The following IGF1R variants were observed in gnomAD, a reference collection of about 807,000 sequenced individuals.
IGF1R encodes the protein insulin like growth factor 1 receptor.
In IGF1R, 44 loss-of-function variants were observed where a neutral mutation model predicts 144.6. The observed-to-expected ratio is 0.30, with a 90% confidence interval of 0.24 to 0.39. IGF1R has a LOEUF of 0.39. Ranked by LOEUF, IGF1R falls within the 10% of genes least tolerant of loss-of-function variation. The pLI is 1.00. For synonymous variants in IGF1R, 795 were observed against 722.8 expected, an observed-to-expected ratio of 1.10 and a Z score of -1.60; for missense variants, 1,355 against 1,833.7, an observed-to-expected ratio of 0.74 and a Z score of 4.77.
intron 1 of IGF1R, among the ~76,000 whole-genome samples, chr15:98,705,282 C>G (rs2053833871): frequency 6.6e-6 from 1 of 152,152 alleles, no homozygotes. Context: ...GACAGTGTCA[C>G]TGAGGGCTCT....
chr15:98,832,976 T>C (rs1168161353), intron 2 of IGF1R, among the ~76,000 whole-genome samples: 2 of 152,244 alleles, frequency 1.3e-5, no homozygotes, highest in Non-Finnish European at 2.9e-5. Context: ...AACCTGAATG[T>C]TGAACTAGCT....
rs1596498126 is a variant in IGF1R, at chr15:98,959,864, A to AG, written c.*2422_*2423insG. 2.6e-5 allele frequency: 6 copies of AG among 233,098 alleles called. No homozygotes were observed. In the East Asian group the frequency reaches 3.6e-4, roughly 14 times the overall value. 14.4% of individuals were successfully genotyped at this position (233,098 alleles called of 1,614,324 possible). On this transcript the variant is annotated 3_prime_UTR_variant, in exon 21 of 21. Coordinates refer to ENST00000650285, the MANE Select transcript of IGF1R (RefSeq NM_000875.5). ...ATAGCGTGTTCCCTTTAAAAAAAAA[A>AG]AAAAGGTATTATATGTAGGAGTTTT...
At chr15:98,655,887 A>G (rs1258896022) in intron 1 of IGF1R, among the ~76,000 whole-genome samples, 3 of 152,094 alleles carry the variant, frequency 2.0e-5, no homozygotes, top group Non-Finnish European at 2.9e-5. Flanking sequence ...TTGTATTTTT[A>G]GTACAGACGA....
At chr15:98,859,468 GT>G (rs2012025150) in intron 2 of IGF1R, among the ~76,000 whole-genome samples, 1 of 152,204 alleles carries the variant, frequency 6.6e-6, no homozygotes, top group Admixed American at 6.5e-5. Flanking sequence ...GGTGTTGCAT[GT>G]TTTTGCCCCA....
chr15:98,673,375 C>T (rs528038386), intron 1 of IGF1R, among the ~76,000 whole-genome samples: 4 of 152,282 alleles, frequency 2.6e-5, no homozygotes, highest in Non-Finnish European at 5.9e-5. Context: ...TGATCATTCT[C>T]GCTCTGTTTT....
Position 98,937,210 on chromosome 15 carries a change from C to T in IGF1R, c.3297+1784C>T, listed in dbSNP as rs561440210. ...CCTTGGTTCACTTTAATACACAAAA[C>T]AGCATGAAGGAGAAAAGCTTGATGA... On this transcript the variant is annotated intron_variant, in intron 17 of 20. Coordinates refer to ENST00000650285, the MANE Select transcript of IGF1R (RefSeq NM_000875.5). 8.5e-5 allele frequency among the ~76,000 whole-genome samples: 13 copies of T among 152,302 alleles called. No homozygotes were observed. The South Asian group carries it at 2.7e-3, about 32-fold the overall frequency.
At chr15:98,779,465 T>G (rs146831612) in intron 2 of IGF1R, among the ~76,000 whole-genome samples, 55 of 152,350 alleles carry the variant, frequency 3.6e-4, no homozygotes, top group Admixed American at 2.8e-3. Flanking sequence ...TCAGCCTGGT[T>G]AGGTAAGTAC....
At chr15:98,888,496 C>A (rs904134552) in intron 2 of IGF1R, among the ~76,000 whole-genome samples, 2 of 150,298 alleles carry the variant, frequency 1.3e-5, no homozygotes, top group African/African-American at 4.9e-5. Flanking sequence ...TTTGTACATT[C>A]AAATTTGTGT....
chr15:98,749,320 A>T (rs1224373486), intron 2 of IGF1R, among the ~76,000 whole-genome samples: 1 of 152,172 alleles, frequency 6.6e-6, no homozygotes, highest in African/African-American at 2.4e-5. Context: ...GTAAAGCTGT[A>T]TCTTAAATAT....
chr15:98,931,551 A>G (rs1366665351), intron 15 of IGF1R, among the ~76,000 whole-genome samples: 1 of 152,204 alleles, frequency 6.6e-6, no homozygotes, highest in African/African-American at 2.4e-5. Flanking sequence ...TTCTATCTAC[A>G]TAAAGGTCTC....
chr15:98,892,160 C>T (rs535321318), intron 3 of IGF1R, among the ~76,000 whole-genome samples: 4 of 152,312 alleles, frequency 2.6e-5, no homozygotes. Context: ...TCCATCAGCA[C>T]TTCCTTCCTC....
rs573877268 is a variant in IGF1R, at chr15:98,664,690, CAAAAA to C, written c.94+15029_94+15033del. Among the ~76,000 whole-genome samples, 676 of 69,594 alleles carry C rather than the reference CAAAAA, an allele frequency of 9.7e-3. 10 individuals are homozygous for C. The highest frequency in any genetic ancestry group is 0.027 in the African/African-American group (655 of 24,000). 45.7% of individuals were successfully genotyped at this position (69,594 alleles called of 152,430 possible). ...CCTGGGCGAGAGTGAGACTCCATGTCAAAAAAAAAAAAAAAAAAGTGTCACCCATC... is the reference window on the plus strand; with the variant it reads ...CCTGGGCGAGAGTGAGACTCCATGTCAAAAAAAAAAAAAGTGTCACCCATC... On this transcript the variant is annotated intron_variant, in intron 1 of 20. Coordinates refer to ENST00000650285, the MANE Select transcript of IGF1R (RefSeq NM_000875.5).
intron 5 of IGF1R, among the ~76,000 whole-genome samples, chr15:98,908,187 C>T (rs1286191330): frequency 6.6e-6 from 1 of 152,216 alleles, no homozygotes; most frequent in Non-Finnish European, 1.5e-5. Context: ...AGGGTTGACC[C>T]CCCACAAGCT....
rs765272546 is a variant in IGF1R at position 98,924,623 on chromosome 15, C to T, written c.2721C>T (p.Ala907=). The change falls in exon 13 of 21, where the codon GCC becomes GCT. Residue 907 remains alanine (A), a synonymous_variant. Transcript: ENST00000650285. ...NPGNYTARIQ[A]TSLSGNGSWT... is the part of the protein sequence containing the mutation. The stretch of plus-strand genomic sequence containing the variant: ...GGAACTACACAGCCCGGATTCAGGC[C>T]ACATCTCTCTCTGGGAATGGGTCGT... The T allele has an allele frequency of 6.2e-6, 10 of 1,614,160 alleles. No homozygotes were observed. The East Asian group carries it at 2.2e-4, about 36-fold the overall frequency.
At chr15:98,895,060 G>A (rs1156762516) in intron 3 of IGF1R, among the ~76,000 whole-genome samples, 1 of 151,216 alleles carries the variant, frequency 6.6e-6, no homozygotes, top group East Asian at 1.9e-4. Flanking sequence ...ATGGAAAACA[G>A]ATTAGTGGTT....
chr15:98,904,089 G>T (rs189870296), intron 5 of IGF1R, among the ~76,000 whole-genome samples: 27,414 of 134,928 alleles, frequency 0.2, 3,149 homozygotes, highest in East Asian at 0.44. Context: ...GTCTCACTCT[G>T]TCACCCAGGC....
At chr15:98,791,682 C>T (rs1402683205) in intron 2 of IGF1R, among the ~76,000 whole-genome samples, 1 of 152,072 alleles carries the variant, frequency 6.6e-6, no homozygotes, top group East Asian at 1.9e-4. Context: ...ACTATGTGAT[C>T]GAAGGATGAA....
chr15:98,825,602 G>A (rs1292214437), intron 2 of IGF1R, among the ~76,000 whole-genome samples: 1 of 152,104 alleles, frequency 6.6e-6, no homozygotes, highest in East Asian at 1.9e-4. Flanking sequence ...GATCTGAGGT[G>A]GAACAGTTTC....
intron 2 of IGF1R, among the ~76,000 whole-genome samples, chr15:98,774,128 G>T (rs185345988): frequency 4.6e-5 from 7 of 152,298 alleles, no homozygotes; most frequent in Non-Finnish European, 1.5e-5. Flanking sequence ...AAAAGAAGAG[G>T]ATCTTAGAAG....
Sources: gnomAD v4.1 joint callset for allele counts (sites outside exome capture counted in the v4.1 genomes callset) on GRCh38, gnomAD v4.1.1 for gene constraint, MANE v1.5 for transcripts, NCBI Gene and HGNC (gene_info 2026-07-23, HGNC 2026-07-21) for gene names.